The following PRKAG2 variants were observed in gnomAD, a reference collection of about 807,000 sequenced individuals.
The protein encoded by PRKAG2 is 5'-AMP-activated protein kinase subunit gamma-2.
Under a neutral mutation model 69.6 loss-of-function variants are expected in PRKAG2, and 26 were observed. The observed-to-expected ratio is 0.37, with a 90% CI of 0.27 to 0.52. The LOEUF (loss-of-function observed/expected upper bound fraction) is 0.52, where lower values mean the gene tolerates loss of function less well. PRKAG2 is among the 20% of genes least tolerant of loss of function. PRKAG2 has a pLI of 0.90. For synonymous variants in PRKAG2, 293 were observed against 285.0 expected (o/e 1.03, Z -0.28); for missense variants, 557 against 740.0 (o/e 0.75, Z 2.87).
At chr7:151,778,684 T>C (rs1157620369) in intron 3 of PRKAG2, among the ~76,000 whole-genome samples, 1 of 152,242 alleles carries the variant, frequency 6.6e-6, no homozygotes, top group Non-Finnish European at 1.5e-5. Flanking sequence ...CCGCAACTTC[T>C]GTTCCACATC....
chr7:151,743,305 G>T (rs576908069), intron 3 of PRKAG2, among the ~76,000 whole-genome samples: 1 of 152,154 alleles, frequency 6.6e-6, no homozygotes, highest in Non-Finnish European at 1.5e-5. Flanking sequence ...AGCCTGGCAC[G>T]GGACCAGGTA....
intron 3 of PRKAG2, among the ~76,000 whole-genome samples, chr7:151,753,036 C>G (rs899871557): frequency 1.3e-5 from 2 of 152,260 alleles, no homozygotes; most frequent in Non-Finnish European, 2.9e-5. Flanking sequence ...GGGTGCCCAC[C>G]TGAGGGCGGA....
intron 1 of PRKAG2, among the ~76,000 whole-genome samples, chr7:151,838,632 G>C (rs57492061): frequency 0.12 from 18,677 of 150,992 alleles, 1,667 homozygotes; most frequent in East Asian, 0.37. Flanking sequence ...GCTGGAGCCA[G>C]GGAAGTCGAG....
chr7:151,600,846 T>G (rs2151163441), intron 5 of PRKAG2, among the ~76,000 whole-genome samples: 1 of 152,328 alleles, frequency 6.6e-6, no homozygotes. Context: ...GTCTGAGTGC[T>G]CATTACGGAC....
At chr7:151,560,489 A>G in intron 15 of PRKAG2, 35 bp downstream of exon 15, 3 of 1,613,950 alleles carry the variant, frequency 1.9e-6, no homozygotes, top group Non-Finnish European at 2.5e-6. Flanking sequence ...CCCTTCCTAG[A>G]CGCCGATGGC....
At position 151,876,799 on chromosome 7, in the gene PRKAG2, G is replaced by A; in HGVS notation, c.-179C>T. On this transcript the variant is annotated 5_prime_UTR_variant, in exon 1 of 16. Coordinates refer to ENST00000287878, the MANE Select transcript of PRKAG2 (RefSeq NM_016203.4). ...AACTCGCGCGGCCGCCGCCGCCGCC[G>A]AAGCGCCGAATTCAAGCGTCCTTTC... is the stretch of plus-strand genomic sequence containing the variant. 1 of 670,318 alleles carries A rather than the reference G, an allele frequency of 1.5e-6. No homozygotes were observed. Among genetic ancestry groups the A allele is most frequent in the Admixed American group, 2.4e-5 (1 of 41,652 alleles). 41.5% of individuals were successfully genotyped at this position (670,318 alleles called of 1,614,324 possible). A position where few individuals can be genotyped will look rare whatever the true frequency, so the allele number is the denominator to read the frequency against.
chr7:151,775,421 C>T (rs1030610791), intron 3 of PRKAG2, among the ~76,000 whole-genome samples: 6 of 152,220 alleles, frequency 3.9e-5, no homozygotes, highest in African/African-American at 1.4e-4. Context: ...GCCTCAGGGC[C>T]AGTCTGGTTC....
chr7:151,671,575 C>A (rs551671574), intron 4 of PRKAG2, among the ~76,000 whole-genome samples: 70 of 152,362 alleles, frequency 4.6e-4, no homozygotes, highest in African/African-American at 1.7e-3. Context: ...CATATCTTCT[C>A]CCAAAAGATA....
rs371656713 is a variant in PRKAG2 at position 151,771,086 on chromosome 7, G to A, written c.466+10066C>T. On this transcript the variant is annotated intron_variant, in intron 3 of 15. Transcript: ENST00000287878. This position sits in a 1 kb window ranked among gnomAD's most constrained non-coding sequence, Gnocchi z 4.0. Reference sequence around the variant, plus strand: ...TATAGGTTGCTTACAAAAATAACCAGCCCTCCTCTGTTCCTTACTTCAGGC... The same window carrying A: ...TATAGGTTGCTTACAAAAATAACCAACCCTCCTCTGTTCCTTACTTCAGGC... 2.5e-4 allele frequency among the ~76,000 whole-genome samples: 38 copies of A among 152,240 alleles called. No individual in the cohort carries two copies. The East Asian group carries it at 2.5e-3, about 10-fold the overall frequency.
intron 3 of PRKAG2, among the ~76,000 whole-genome samples, chr7:151,689,930 C>T (rs1563436984): frequency 6.6e-6 from 1 of 152,128 alleles, no homozygotes; most frequent in Non-Finnish European, 1.5e-5. Context: ...ATCGTGAGCT[C>T]TAGTGGTTGT....
chr7:151,611,852 G>A lies in PRKAG2; in HGVS notation c.755-16398C>T, dbSNP rs909289279. Among the ~76,000 whole-genome samples, 4 of 152,266 alleles carry A rather than the reference G, an allele frequency of 2.6e-5. No homozygotes were observed. In the South Asian group the frequency reaches 8.3e-4, roughly 32 times the overall value. ...GCAGATTACTTGAGGTCAGGAGTTC[G>A]AGACCAGTCAGGCCAACATGAAACC... On this transcript the variant is annotated intron_variant, in intron 5 of 15. Transcript: ENST00000287878.
chr7:151,824,725 A>ATTTGTCGGTGAT (rs2078868290), intron 1 of PRKAG2, among the ~76,000 whole-genome samples: 1 of 152,172 alleles, frequency 6.6e-6, no homozygotes, highest in Non-Finnish European at 1.5e-5. Context: ...GCAGAGCCCC[A>ATTTGTCGGTGAT]GCTGTCGGTG....
At chr7:151,740,439 C>T (rs886218225) in intron 3 of PRKAG2, among the ~76,000 whole-genome samples, 7 of 135,124 alleles carry the variant, frequency 5.2e-5, no homozygotes, top group African/African-American at 5.6e-5. Flanking sequence ...GTTACTGCAC[C>T]AGTCCTAGGG....
intron 3 of PRKAG2, among the ~76,000 whole-genome samples, chr7:151,695,708 C>G (rs1243835249): frequency 6.6e-6 from 1 of 152,244 alleles, no homozygotes; most frequent in Admixed American, 6.5e-5. Flanking sequence ...GAATGGGCCA[C>G]CTCCCCTGGG....
intron 15 of PRKAG2, chr7:151,557,608 A>G (rs1804027328): frequency 1.0e-6 from 1 of 975,618 alleles, no homozygotes; most frequent in African/African-American, 1.8e-5. Flanking sequence ...GGTGGCTCAC[A>G]TCTGTAATCC....
At chr7:151,569,776 G>A (rs146997945) in intron 10 of PRKAG2, among the ~76,000 whole-genome samples, 143 of 152,276 alleles carry the variant, frequency 9.4e-4, no homozygotes, top group African/African-American at 3.4e-3. Flanking sequence ...CATCTGAACC[G>A]ACATCTAACA....
chr7:151,832,357 G>A (rs2079053369), intron 1 of PRKAG2, among the ~76,000 whole-genome samples: 2 of 152,134 alleles, frequency 1.3e-5, no homozygotes, highest in Non-Finnish European at 2.9e-5. Context: ...AAGGAGACCT[G>A]CTTGTTGGGG....
chr7:151,797,445 C>G (rs1409933196), intron 1 of PRKAG2, among the ~76,000 whole-genome samples: 1 of 152,116 alleles, frequency 6.6e-6, no homozygotes, highest in Non-Finnish European at 1.5e-5. Context: ...CACCTCTGAA[C>G]GAGGGCTCAG....
intron 3 of PRKAG2, chr7:151,736,389 T>C: frequency 1.1e-6 from 1 of 932,584 alleles, no homozygotes; most frequent in Non-Finnish European, 1.3e-6. Flanking sequence ...AGGGCTTTTT[T>C]TTTTTTTTTT....
Sources: gnomAD v4.1 joint callset for allele counts (sites outside exome capture counted in the v4.1 genomes callset) on GRCh38, gnomAD v4.1.1 for gene constraint, Gnocchi (gnomAD v3.1) non-coding constraint, MANE v1.5 for transcripts, NCBI Gene and HGNC (gene_info 2026-07-23, HGNC 2026-07-21) for gene names.